The following GRID2 variants were observed in gnomAD, a reference collection of about 807,000 sequenced individuals.
GRID2 encodes glutamate ionotropic receptor delta type subunit 2, also known as glutamate receptor ionotropic, delta-2.
A neutral mutation model predicts 114.8 loss-of-function variants in GRID2; 33 were observed. The observed-to-expected ratio is 0.29, with a 90% CI of 0.22 to 0.38. GRID2 has a LOEUF of 0.38. Among genes scored for constraint, GRID2 ranks in the 10% least tolerant of loss-of-function variants. The pLI is 1.00. For missense variants in GRID2, 1,184 were observed against 1,257.7 expected (o/e 0.94, Z 0.89); for synonymous variants, 505 against 449.9 (o/e 1.12, Z -1.55).
rs532848803 is a variant in GRID2, at chr4:92,542,641, G to A, written c.89-47490G>A. 4.6e-5 allele frequency among the ~76,000 whole-genome samples: 7 copies of A among 151,822 alleles called. No homozygotes were observed. In the East Asian group the frequency reaches 7.8e-4, roughly 17 times the overall value. The stretch of plus-strand genomic sequence containing the variant: ...CTGGGGACTCGGTGGGAGGGTGGAA[G>A]GGAGGTGAGGGATAAAAGGCTACAC... On this transcript the variant is annotated intron_variant, in intron 1 of 15. Coordinates refer to ENST00000282020, the MANE Select transcript of GRID2 (RefSeq NM_001510.4).
chr4:93,723,013 A>G (rs1210253215), intron 14 of GRID2, among the ~76,000 whole-genome samples: 1 of 152,156 alleles, frequency 6.6e-6, no homozygotes, highest in Non-Finnish European at 1.5e-5. Context: ...TCTTAAACAT[A>G]TTTACATCTA....
chr4:93,129,699 A>G (rs1348595896), intron 4 of GRID2, among the ~76,000 whole-genome samples: 1 of 152,140 alleles, frequency 6.6e-6, no homozygotes, highest in African/African-American at 2.4e-5. Flanking sequence ...AAAGCTGATG[A>G]TCTTGTATTT....
chr4:93,283,939 T>C (rs1017303852), intron 8 of GRID2, among the ~76,000 whole-genome samples: 1 of 152,104 alleles, frequency 6.6e-6, no homozygotes, highest in African/African-American at 2.4e-5. Flanking sequence ...ATATTGTGTG[T>C]CATAGAAGTA....
chr4:93,435,044 G>A (rs1720938881), intron 10 of GRID2, among the ~76,000 whole-genome samples: 1 of 151,756 alleles, frequency 6.6e-6, no homozygotes, highest in Non-Finnish European at 1.5e-5. Context: ...TCCATCCTTT[G>A]TACTACCTAT....
intron 13 of GRID2, among the ~76,000 whole-genome samples, chr4:93,585,876 C>A (rs929588564): frequency 6.6e-6 from 1 of 152,080 alleles, no homozygotes; most frequent in Non-Finnish European, 1.5e-5. Context: ...GCATATCCAC[C>A]TTTAGTTACT....
chr4:93,125,927 A>G (rs1734224753), intron 4 of GRID2, among the ~76,000 whole-genome samples: 1 of 152,180 alleles, frequency 6.6e-6, no homozygotes, highest in African/African-American at 2.4e-5. Context: ...AAGATGTCCT[A>G]TTTGATTGCT....
intron 1 of GRID2, among the ~76,000 whole-genome samples, chr4:92,392,281 G>A (rs991031404): frequency 2.6e-5 from 4 of 151,860 alleles, no homozygotes; most frequent in Admixed American, 6.6e-5. Context: ...TTGGCTGGGC[G>A]CGGTGGCCTG....
chr4:93,083,563 G>T (rs1002375127), intron 2 of GRID2, among the ~76,000 whole-genome samples: 1 of 151,740 alleles, frequency 6.6e-6, no homozygotes, highest in African/African-American at 2.4e-5. Flanking sequence ...GGGCTTGGTG[G>T]CACAGGCCTG....
At chr4:93,098,725 A>C (rs1445382154) in intron 3 of GRID2, among the ~76,000 whole-genome samples, 1 of 151,932 alleles carries the variant, frequency 6.6e-6, no homozygotes, top group Non-Finnish European at 1.5e-5. Context: ...AACAATAACA[A>C]CCCAATATTG....
chr4:92,625,970 C>T (rs774591494), intron 2 of GRID2, among the ~76,000 whole-genome samples: 1 of 151,884 alleles, frequency 6.6e-6, no homozygotes, highest in Non-Finnish European at 1.5e-5. Context: ...TTCTGTTTTA[C>T]AGGATTATAC....
chr4:93,513,629 A>G (rs1442330490), intron 12 of GRID2, among the ~76,000 whole-genome samples: 2 of 152,218 alleles, frequency 1.3e-5, no homozygotes, highest in Non-Finnish European at 2.9e-5. Context: ...CTCTTCAGAT[A>G]GGATGATTTA....
chr4:92,492,210 A>G (rs1228952098), intron 1 of GRID2, among the ~76,000 whole-genome samples: 1 of 152,166 alleles, frequency 6.6e-6, no homozygotes, highest in East Asian at 1.9e-4. Flanking sequence ...TTGTTTTCCT[A>G]TGAGTATATT....
At chr4:92,431,027 A>G (rs1263709630) in intron 1 of GRID2, among the ~76,000 whole-genome samples, 3 of 152,150 alleles carry the variant, frequency 2.0e-5, no homozygotes, top group Non-Finnish European at 4.4e-5. Context: ...GTTTTTCCAA[A>G]TATGAGATCA....
intron 2 of GRID2, among the ~76,000 whole-genome samples, chr4:92,601,121 A>C (rs1276521165): frequency 6.6e-6 from 1 of 152,206 alleles, no homozygotes; most frequent in Non-Finnish European, 1.5e-5. Flanking sequence ...CCAGTGAGGA[A>C]GGATCAGTCA....
intron 2 of GRID2, among the ~76,000 whole-genome samples, chr4:92,918,787 A>C (rs994920148): frequency 9.2e-5 from 14 of 152,150 alleles, no homozygotes; most frequent in African/African-American, 3.4e-4. Flanking sequence ...ATTGATGTTC[A>C]TGAGGGATAT....
intron 13 of GRID2, among the ~76,000 whole-genome samples, chr4:93,567,324 A>AAAC (rs1244896889): frequency 6.6e-6 from 1 of 152,238 alleles, no homozygotes; most frequent in Non-Finnish European, 1.5e-5. Context: ...ACTACCTTTT[A>AAAC]AACAATTTAA....
At chr4:93,554,029 A>G (rs1296049308) in intron 13 of GRID2, among the ~76,000 whole-genome samples, 4 of 152,172 alleles carry the variant, frequency 2.6e-5, no homozygotes, top group Non-Finnish European at 4.4e-5. Flanking sequence ...CTTTATCTCT[A>G]AACAAAATGT....
intron 15 of GRID2, among the ~76,000 whole-genome samples, chr4:93,771,128 T>A (rs566581229): frequency 6.6e-6 from 1 of 152,348 alleles, no homozygotes; most frequent in South Asian, 2.1e-4. Context: ...ATTTAATTTA[T>A]TGAGTTTGGC....
At chr4:93,033,479 G>T (rs1400302399) in intron 2 of GRID2, among the ~76,000 whole-genome samples, 1 of 152,090 alleles carries the variant, frequency 6.6e-6, no homozygotes, top group Admixed American at 6.6e-5. Context: ...TGTGAATCAG[G>T]AAAGCCCACT....
Sources: gnomAD v4.1 joint callset for allele counts (sites outside exome capture counted in the v4.1 genomes callset) on GRCh38, gnomAD v4.1.1 for gene constraint, MANE v1.5 for transcripts, NCBI Gene and HGNC (gene_info 2026-07-23, HGNC 2026-07-21) for gene names.